The following IGF2BP2 variants were observed in gnomAD, a reference collection of about 807,000 sequenced individuals.
IGF2BP2 encodes insulin like growth factor 2 mRNA binding protein 2.
A neutral mutation model predicts 75.8 loss-of-function variants in IGF2BP2; 17 were observed. The observed-to-expected ratio is 0.22, with a 90% CI of 0.15 to 0.34. The LOEUF (loss-of-function observed/expected upper bound fraction) is 0.34. IGF2BP2 is among the 10% of genes least tolerant of loss of function. IGF2BP2 has a pLI of 1.00. For synonymous variants in IGF2BP2, 288 were observed against 295.6 expected (o/e 0.97, Z 0.26); for missense variants, 516 against 772.4 (o/e 0.67, Z 3.93).
At chr3:185,687,005 G>A in intron 7 of IGF2BP2, 52 bp downstream of exon 7, 3 of 1,585,764 alleles carry the variant, frequency 1.9e-6, no homozygotes, top group South Asian at 2.3e-5. Context: ...AAATGAGGGA[G>A]AATCTACTCT....
intron 2 of IGF2BP2, among the ~76,000 whole-genome samples, chr3:185,700,264 T>C (rs1723111646): frequency 1.3e-5 from 2 of 152,172 alleles, no homozygotes; most frequent in African/African-American, 4.8e-5. Context: ...ATGAATTAAA[T>C]GAGGGGCTCT....
Position 185,672,604 on chromosome 3 carries a change from G to A in IGF2BP2, c.1137C>T (p.Ser379=), listed in dbSNP as rs751810583. 33 of 1,613,602 alleles carry A rather than the reference G, an allele frequency of 2.0e-5. No individual in the cohort carries two copies. The highest frequency in any genetic ancestry group is 2.5e-5 in the Non-Finnish European group (30 of 1,179,692). ...GGGGCCCTGCTGGTGGAGATAGCAC[G>A]GACAGTCCTGTTGAAAAGATGCCAA... The part of the protein sequence containing the change: ...SALGIFSTGL[S]VLSPPAGPRG... The change falls in exon 10 of 16, where the codon TCC becomes TCT. Residue 379 remains serine, a synonymous_variant. Transcript: ENST00000382199.
At chr3:185,766,882 A>C (rs1445116692) in intron 2 of IGF2BP2, among the ~76,000 whole-genome samples, 1 of 152,376 alleles carries the variant, frequency 6.6e-6, no homozygotes, top group Non-Finnish European at 1.5e-5. Flanking sequence ...GCTACACCCC[A>C]GTTTTCTGAC....
intron 6 of IGF2BP2, among the ~76,000 whole-genome samples, chr3:185,688,621 G>C (rs2149314699): frequency 6.6e-6 from 1 of 152,272 alleles, no homozygotes; most frequent in East Asian, 1.9e-4. Context: ...GGGATTACAG[G>C]GATGAGTCTC....
chr3:185,658,004 G>C (rs1715728355), intron 11 of IGF2BP2, among the ~76,000 whole-genome samples: 2 of 152,154 alleles, frequency 1.3e-5, no homozygotes. Flanking sequence ...TCATTTGCTA[G>C]ACTTTGTTCA....
chr3:185,652,551 A>C (rs1009247438), intron 12 of IGF2BP2, among the ~76,000 whole-genome samples: 1 of 152,194 alleles, frequency 6.6e-6, no homozygotes, highest in Non-Finnish European at 1.5e-5. Flanking sequence ...AAGGGAAGGA[A>C]GGGCAGGTCC....
chr3:185,658,953 G>A (rs1369590123), intron 10 of IGF2BP2, among the ~76,000 whole-genome samples: 1 of 152,222 alleles, frequency 6.6e-6, no homozygotes, highest in East Asian at 1.9e-4. Context: ...AGGGAGAAAT[G>A]TCAAAGGAGA....
intron 12 of IGF2BP2, 47 bp downstream of exon 12, chr3:185,657,239 G>C (rs1416460906): frequency 3.9e-6 from 5 of 1,297,126 alleles, no homozygotes; most frequent in Non-Finnish European, 3.3e-6. Context: ...GCCGTGGGAT[G>C]AGAGGAGGTG....
chr3:185,679,892 G>A (rs1318944512), intron 7 of IGF2BP2, among the ~76,000 whole-genome samples: 4 of 152,116 alleles, frequency 2.6e-5, no homozygotes, highest in Non-Finnish European at 5.9e-5. Flanking sequence ...GGGATTTATA[G>A]GCATGAGCCA....
intron 12 of IGF2BP2, 101 bp from the exon 13 acceptor site, chr3:185,652,269 G>A: frequency 1.0e-6 from 1 of 979,622 alleles, no homozygotes; most frequent in Admixed American, 2.4e-5. Flanking sequence ...GAGGTTCCAG[G>A]TCTTGCTTCT....
intron 10 of IGF2BP2, 104 bp downstream of exon 10, chr3:185,672,437 G>C: frequency 8.5e-7 from 1 of 1,171,176 alleles, no homozygotes; most frequent in Non-Finnish European, 1.2e-6. Context: ...ACTCGAGCAT[G>C]GCCTTTAAAT....
chr3:185,646,993 G>A (rs1713682304), intron 15 of IGF2BP2, 32 bp downstream of exon 15: 2 of 1,498,002 alleles, frequency 1.3e-6, no homozygotes, highest in African/African-American at 2.8e-5. Flanking sequence ...AAAGAGACTT[G>A]CAGGAGAGAC....
intron 2 of IGF2BP2, among the ~76,000 whole-genome samples, chr3:185,767,472 GTT>G (rs1204303517): frequency 2.0e-5 from 3 of 152,108 alleles, no homozygotes; most frequent in Non-Finnish European, 4.4e-5. Context: ...AAAACATCAA[GTT>G]AAACAGATTT....
chr3:185,687,236 T>G, intron 6 of IGF2BP2, 45 bp from the exon 7 acceptor site: 1 of 1,567,596 alleles, frequency 6.4e-7, no homozygotes, highest in Non-Finnish European at 8.6e-7. Context: ...GTCATCTGGA[T>G]AGGACCCTAG....
At chr3:185,704,063 G>T (rs1166344446) in intron 2 of IGF2BP2, among the ~76,000 whole-genome samples, 1 of 152,198 alleles carries the variant, frequency 6.6e-6, no homozygotes, top group Non-Finnish European at 1.5e-5. Flanking sequence ...AGAGGGCCTT[G>T]TGAGAGCGTC....
At chr3:185,751,622 G>A (rs748662749) in intron 2 of IGF2BP2, among the ~76,000 whole-genome samples, 3 of 151,756 alleles carry the variant, frequency 2.0e-5, no homozygotes, top group Non-Finnish European at 2.9e-5. Context: ...TCCAGCCTGA[G>A]CAACAAGAGG....
intron 2 of IGF2BP2, among the ~76,000 whole-genome samples, chr3:185,755,752 C>T (rs1020120804): frequency 6.6e-6 from 1 of 152,206 alleles, no homozygotes; most frequent in Non-Finnish European, 1.5e-5. Flanking sequence ...TCCTTTAGGG[C>T]AATTTCTCCC....
chr3:185,738,692 T>A (rs1185818147), intron 2 of IGF2BP2, among the ~76,000 whole-genome samples: 1 of 152,242 alleles, frequency 6.6e-6, no homozygotes, highest in Non-Finnish European at 1.5e-5. Flanking sequence ...TACAGTTGCA[T>A]TTCTGTCCCT....
chr3:185,750,985 T>TCTG (rs1730887453), intron 2 of IGF2BP2, among the ~76,000 whole-genome samples: 3 of 151,348 alleles, frequency 2.0e-5, no homozygotes, highest in Non-Finnish European at 4.4e-5. Context: ...GGGAGGCCAA[T>TCTG]GTGGGCAGAT....
Sources: gnomAD v4.1 joint callset for allele counts (sites outside exome capture counted in the v4.1 genomes callset) on GRCh38, gnomAD v4.1.1 for gene constraint, MANE v1.5 for transcripts, NCBI Gene and HGNC (gene_info 2026-07-23, HGNC 2026-07-21) for gene names.